The following SCRG1 variants were observed in gnomAD, a reference collection of about 807,000 sequenced individuals.
SCRG1 encodes the protein scrapie-responsive protein 1.
Under a neutral mutation model 7.7 loss-of-function variants are expected in SCRG1, and 3 were observed. That is an observed-to-expected ratio of 0.39 (90% CI 0.18 to 1.01). SCRG1 has a LOEUF of 1.01. Ranked by LOEUF, SCRG1 falls within the 50% of genes least tolerant of loss-of-function variation. SCRG1 has a pLI of 0.36. For missense variants in SCRG1, 110 were observed against 117.2 expected, an observed-to-expected ratio of 0.94 and a Z score of 0.28; for synonymous variants, 46 against 41.2, an observed-to-expected ratio of 1.12 and a Z score of -0.44.
chr4:173,464,041 T>C, the SCRG1 span, among the ~76,000 whole-genome samples: 1 of 152,172 alleles, frequency 6.6e-6, no homozygotes, highest in Non-Finnish European at 1.5e-5. Context: ...TCAAGTAAGT[T>C]GACCAGTGTT....
At chr4:173,440,349 G>C in the SCRG1 span, among the ~76,000 whole-genome samples, 1 of 152,194 alleles carries the variant, frequency 6.6e-6, no homozygotes, top group Non-Finnish European at 1.5e-5. Context: ...GCTAATTCTA[G>C]GGGAATGGGC....
chr4:173,416,533 G>A, the SCRG1 span, among the ~76,000 whole-genome samples: 1 of 152,362 alleles, frequency 6.6e-6, no homozygotes, highest in Admixed American at 6.5e-5. Context: ...TGGGAGGATC[G>A]CTTAAGCCCA....
chr4:173,396,639 C>A (rs1213119556), intron 1 of SCRG1, among the ~76,000 whole-genome samples: 1 of 151,572 alleles, frequency 6.6e-6, no homozygotes, highest in African/African-American at 2.4e-5. Flanking sequence ...AGCATAAGAT[C>A]ATTTTTTTGC....
intron 1 of SCRG1, among the ~76,000 whole-genome samples, chr4:173,405,940 T>C (rs1485246878): frequency 6.6e-6 from 1 of 152,236 alleles, no homozygotes; most frequent in Non-Finnish European, 1.5e-5. Context: ...GTGTGCTCAC[T>C]AGTACTGGTG....
chr4:173,467,864 G>C, the SCRG1 span: 7 of 152,248 alleles, frequency 4.6e-5, no homozygotes. Context: ...TTAATTACAA[G>C]AGGATGGGGA....
At chr4:173,463,508 G>A in the SCRG1 span, among the ~76,000 whole-genome samples, 1 of 152,040 alleles carries the variant, frequency 6.6e-6, no homozygotes, top group Non-Finnish European at 1.5e-5. Context: ...TCCTGACCTC[G>A]AGTGATCTGC....
the SCRG1 span, among the ~76,000 whole-genome samples, chr4:173,453,216 T>A: frequency 6.6e-6 from 1 of 152,230 alleles, no homozygotes; most frequent in Non-Finnish European, 1.5e-5. Flanking sequence ...TGCCCTTTTC[T>A]CCAGAGACAG....
chr4:173,484,273 A>G, the SCRG1 span, among the ~76,000 whole-genome samples: 2 of 85,842 alleles, frequency 2.3e-5, no homozygotes, highest in African/African-American at 9.5e-5. Flanking sequence ...TATATTTTAT[A>G]TATCATATAT....
intron 1 of SCRG1, among the ~76,000 whole-genome samples, chr4:173,392,248 T>G (rs766350470): frequency 6.6e-6 from 1 of 152,212 alleles, no homozygotes; most frequent in African/African-American, 2.4e-5. Context: ...CCAGAAGTAG[T>G]TTAGTACACA....
intron 1 of SCRG1, among the ~76,000 whole-genome samples, chr4:173,405,675 C>T (rs552147002): frequency 2.6e-5 from 4 of 152,222 alleles, no homozygotes; most frequent in Admixed American, 2.6e-4. Flanking sequence ...TAAAATATTC[C>T]TTGCTCAAAC....
Position 173,386,975 on chromosome 4 carries a change from A to G in SCRG1, c.*1366T>C, listed in dbSNP as rs1675178934. ...TACCTCTGATGGCAATATGAGTCACATACCTCTTAAGTTATGGGGCATAAT... is the reference window on the plus strand; with the variant it reads ...TACCTCTGATGGCAATATGAGTCACGTACCTCTTAAGTTATGGGGCATAAT... On this transcript the variant is annotated 3_prime_UTR_variant, in exon 3 of 3. Transcript: ENST00000296506. The G allele has an allele frequency of 6.6e-6, 1 of 152,198 alleles. No individual in the cohort carries two copies. Among genetic ancestry groups the G allele is most frequent in the Admixed American group, 6.5e-5 (1 of 15,286 alleles). The allele number at this position is 152,198 out of a possible 1,614,324, so 9.4% of individuals were successfully genotyped here.
chr4:173,439,488 C>T, the SCRG1 span, among the ~76,000 whole-genome samples: 1 of 148,090 alleles, frequency 6.8e-6, no homozygotes, highest in East Asian at 2.0e-4. Flanking sequence ...GCACTCCAGC[C>T]TGGGCAACAG....
chr4:173,430,679 C>A, the SCRG1 span, among the ~76,000 whole-genome samples: 1 of 151,830 alleles, frequency 6.6e-6, no homozygotes, highest in African/African-American at 2.4e-5. Flanking sequence ...TGGTGGCATG[C>A]ACCTGTAGTC....
At chr4:173,454,955 T>C in the SCRG1 span, among the ~76,000 whole-genome samples, 1 of 152,306 alleles carries the variant, frequency 6.6e-6, no homozygotes, top group East Asian at 1.9e-4. Context: ...AACTGGAGAT[T>C]GGAATTCTGT....
At chr4:173,471,495 G>A in the SCRG1 span, among the ~76,000 whole-genome samples, 9 of 151,890 alleles carry the variant, frequency 5.9e-5, no homozygotes, top group Non-Finnish European at 1.0e-4. Context: ...TACCAACCTC[G>A]TCCATCCTGC....
At chr4:173,495,110 A>G in the SCRG1 span, among the ~76,000 whole-genome samples, 1 of 152,376 alleles carries the variant, frequency 6.6e-6, no homozygotes, top group African/African-American at 2.4e-5. Flanking sequence ...GTGATTGGAA[A>G]ATCAAAGGAA....
chr4:173,396,653 A>C (rs1489822063), intron 1 of SCRG1, among the ~76,000 whole-genome samples: 1 of 151,838 alleles, frequency 6.6e-6, no homozygotes. Flanking sequence ...TTTTTGCCAC[A>C]GTCTAAGTCG....
At chr4:173,506,070 A>C in the SCRG1 span, among the ~76,000 whole-genome samples, 1 of 152,108 alleles carries the variant, frequency 6.6e-6, no homozygotes, top group African/African-American at 2.4e-5. The surrounding 1 kb of genome is among the most constrained non-coding windows in gnomAD (Gnocchi z 5.3). Context: ...GTGTGAGTAG[A>C]CACTGAAGCC....
intron 1 of SCRG1, among the ~76,000 whole-genome samples, chr4:173,394,101 C>A (rs1263805370): frequency 6.6e-6 from 1 of 151,736 alleles, no homozygotes; most frequent in Non-Finnish European, 1.5e-5. Flanking sequence ...GAGTTTAATC[C>A]ATTTACATGT....
Sources: gnomAD v4.1 joint callset for allele counts (sites outside exome capture counted in the v4.1 genomes callset) on GRCh38, gnomAD v4.1.1 for gene constraint, Gnocchi (gnomAD v3.1) non-coding constraint, MANE v1.5 for transcripts, NCBI Gene and HGNC (gene_info 2026-07-23, HGNC 2026-07-21) for gene names.